AQR: variants seen among roughly 807,000 people sequenced by gnomAD.
AQR encodes the protein RNA helicase aquarius.
AQR carries 61 observed loss-of-function variants against 180.5 expected under a neutral mutation model. That is an observed-to-expected ratio of 0.34 (90% CI 0.28 to 0.42). The LOEUF (loss-of-function observed/expected upper bound fraction) is 0.42, where lower values mean the gene tolerates loss of function less well. Ranked by LOEUF, AQR falls within the 10% of genes least tolerant of loss-of-function variation. AQR has a pLI of 1.00. For missense variants in AQR, 1,281 were observed against 1,798.3 expected (o/e 0.71, Z 5.20); for synonymous variants, 551 against 588.8 (o/e 0.94, Z 0.93).
In AQR at chr15:34,906,728, G is replaced by C. The variant is rs759915718; in HGVS notation, c.1664-16C>G. 6.3e-7 allele frequency: 1 copy of C among 1,597,566 alleles called. No homozygotes were observed. The highest frequency in any genetic ancestry group is 1.8e-5 in the Admixed American group (1 of 56,788). ...TTACGAAGACCTGGTAAGATATAAA[G>C]ACATTTTCATTTATTAGAATTTCAT... is the stretch of plus-strand genomic sequence containing the variant. On this transcript the variant is annotated splice_polypyrimidine_tract_variant and intron_variant, in intron 17 of 34. Coordinates refer to ENST00000156471, the MANE Select transcript of AQR (RefSeq NM_014691.3).
chr15:34,933,889 G>A (rs1236790581), intron 10 of AQR, among the ~76,000 whole-genome samples: 1 of 152,198 alleles, frequency 6.6e-6, no homozygotes, highest in Non-Finnish European at 1.5e-5. Flanking sequence ...GGGAGGCCAA[G>A]GTGGAAGGAT....
chr15:34,859,343 T>C (rs138252163), intron 34 of AQR, among the ~76,000 whole-genome samples: 10 of 152,290 alleles, frequency 6.6e-5, no homozygotes, highest in African/African-American at 2.4e-4. Context: ...AAAACCATAC[T>C]GAGACCACTG....
chr15:34,933,693 A>G (rs557475488), intron 10 of AQR, among the ~76,000 whole-genome samples: 2 of 152,178 alleles, frequency 1.3e-5, no homozygotes, highest in Non-Finnish European at 2.9e-5. Context: ...TTTTTCTACA[A>G]ACAACAGCCC....
chr15:34,875,852 C>T, intron 28 of AQR, 83 bp downstream of exon 28: 1 of 1,060,052 alleles, frequency 9.4e-7, no homozygotes, highest in East Asian at 2.4e-5. Flanking sequence ...GCAATCAGCA[C>T]ACCCAAACTG....
intron 4 of AQR, among the ~76,000 whole-genome samples, chr15:34,952,654 C>A (rs1337843040): frequency 1.3e-5 from 2 of 152,248 alleles, no homozygotes; most frequent in Non-Finnish European, 2.9e-5. Flanking sequence ...TTATTCACCA[C>A]ATGCTAGCTT....
intron 25 of AQR, among the ~76,000 whole-genome samples, chr15:34,885,735 T>C (rs948505004): frequency 2.0e-5 from 3 of 152,344 alleles, no homozygotes; most frequent in Non-Finnish European, 2.9e-5. Flanking sequence ...ATGTAGACTA[T>C]ATTATGTATT....
At chr15:34,889,687 T>G (rs1893113384) in intron 24 of AQR, among the ~76,000 whole-genome samples, 1 of 152,168 alleles carries the variant, frequency 6.6e-6, no homozygotes, top group Non-Finnish European at 1.5e-5. Context: ...TTCTTTTTTT[T>G]TTGAGACAGA....
intron 2 of AQR, among the ~76,000 whole-genome samples, chr15:34,962,580 C>T (rs1326676004): frequency 1.3e-5 from 2 of 151,874 alleles, no homozygotes; most frequent in African/African-American, 4.8e-5. Flanking sequence ...ACCAGCCTGG[C>T]CAACATGGTA....
chr15:34,904,325 C>T lies in AQR; in HGVS notation c.2001+11G>A. On this transcript the variant is annotated intron_variant, in intron 19 of 34. Coordinates refer to ENST00000156471, the MANE Select transcript of AQR (RefSeq NM_014691.3). The stretch of plus-strand genomic sequence containing the variant: ...TGACATAGTACTTTTAGTTACATAC[C>T]CCCAAATTACCTTAAAGTTATTTTC... 4 of 1,550,290 alleles carry T rather than the reference C, an allele frequency of 2.6e-6. No individual in the cohort carries two copies. Among genetic ancestry groups the T allele is most frequent in the South Asian group, 1.2e-5 (1 of 80,162 alleles).
In AQR at chr15:34,934,580, A is replaced by G. The variant is rs2140493666; in HGVS notation, c.774T>C (p.Ile258=). ...HYCERFIELM[I]DLEALLPTRR... ...ACGGTAGATTTCTTACCTCTAGATC[A>G]ATCATAAGTTCAATGAATCTTTCAC... Residue 258 remains isoleucine (I), a synonymous_variant, in exon 10 of 35, where the codon ATT becomes ATC. Coordinates refer to ENST00000156471, the MANE Select transcript of AQR (RefSeq NM_014691.3). 1 of 1,593,470 alleles carries G rather than the reference A, an allele frequency of 6.3e-7. No individual in the cohort carries two copies. Among genetic ancestry groups the G allele is most frequent in the Non-Finnish European group, 8.5e-7 (1 of 1,173,186 alleles).
At chr15:34,920,753 TC>T (rs1893671203) in intron 13 of AQR, among the ~76,000 whole-genome samples, 1 of 152,060 alleles carries the variant, frequency 6.6e-6, no homozygotes, top group Non-Finnish European at 1.5e-5. Context: ...GGTCAGGAGA[TC>T]GAGACTATGC....
chr15:34,963,661 C>CTTTTTTTTTCTTTTTTTTTTTTT (rs1566793151), intron 2 of AQR, among the ~76,000 whole-genome samples: 1 of 148,600 alleles, frequency 6.7e-6, no homozygotes. Context: ...TACACGTACA[C>CTTTTTTTTTCTTTTTTTTTTTTT]TTTTTTTTTT....
In AQR at chr15:34,884,728, A is replaced by C. The variant is rs1034277900; in HGVS notation, c.2824T>G (p.Ser942Ala). The stretch of plus-strand genomic sequence containing the variant: ...TTGCTGATATACTCTTCCCAGCGAG[A>C]CATTACCTGTAGAAAAAAGGACTTG... ...AGYFFLYQVM[S>A]RWEEYISKVK... Residue 942 changes from serine to alanine, a missense_variant, in exon 26 of 35, where the codon TCT becomes GCT. Around this residue, in one of 9 missense-constraint regions of AQR, gnomAD observed 125 missense variants for 185.0 expected, o/e 0.68. Transcript: ENST00000156471. 3 of 1,595,856 alleles carry C rather than the reference A, an allele frequency of 1.9e-6. No individual in the cohort carries two copies. The highest frequency in any genetic ancestry group is 2.6e-6 in the Non-Finnish European group (3 of 1,174,780).
intron 17 of AQR, among the ~76,000 whole-genome samples, chr15:34,908,975 A>G (rs1426339629): frequency 6.6e-6 from 1 of 151,966 alleles, no homozygotes; most frequent in Non-Finnish European, 1.5e-5. Context: ...ATAAAGGTGC[A>G]CATTAGTCTA....
chr15:34,946,419 C>T (rs1424022400), intron 5 of AQR, among the ~76,000 whole-genome samples: 3 of 118,826 alleles, frequency 2.5e-5, no homozygotes, highest in Non-Finnish European at 5.7e-5. Context: ...CCGCCCCGTC[C>T]GGGAGGGAGG....
At chr15:34,925,828 G>A (rs889911369) in intron 13 of AQR, among the ~76,000 whole-genome samples, 5 of 150,284 alleles carry the variant, frequency 3.3e-5, no homozygotes, top group African/African-American at 1.2e-4. Flanking sequence ...GCAAGACTCC[G>A]TCTCAAAAAA....
Position 34,896,986 on chromosome 15 carries a change from A to G in AQR, c.2391-20T>C. 3 of 1,584,326 alleles carry G rather than the reference A, an allele frequency of 1.9e-6. No individual in the cohort carries two copies. The highest frequency in any genetic ancestry group is 3.3e-4 in the Middle Eastern group (2 of 6,006). On this transcript the variant is annotated intron_variant, in intron 21 of 34. Coordinates refer to ENST00000156471, the MANE Select transcript of AQR (RefSeq NM_014691.3). ...GTATTACTGCAAATAAGAGTAAATA[A>G]AAAGTTGGTACAGATAAATGATGCT...
At chr15:34,899,638 T>C (rs1893300027) in intron 20 of AQR, among the ~76,000 whole-genome samples, 1 of 151,708 alleles carries the variant, frequency 6.6e-6, no homozygotes, top group Non-Finnish European at 1.5e-5. Flanking sequence ...CCCAAAGTGT[T>C]GGGATTACAG....
rs776180525 is a variant in AQR, at chr15:34,856,882, C to A, written c.4368G>T (p.Glu1456Asp). Reference sequence around the variant, plus strand: ...CAGCTCCTACCACAGTAGGGGTGGTCTCAGATAAAGCAGGGATGGCTTCTG... The same window carrying A: ...CAGCTCCTACCACAGTAGGGGTGGTATCAGATAAAGCAGGGATGGCTTCTG... ...STPEAIPALSETTPTVVGAVS... is the reference protein window; with the variant it reads ...STPEAIPALSDTTPTVVGAVS... Residue 1456 changes from glutamate (E) to aspartate (D), a missense_variant, in exon 35 of 35, where the codon GAG (glutamate) becomes GAT (aspartate). This residue lies in a region of AQR where 182 missense variants were observed against 185.3 expected (regional missense o/e 0.98). Coordinates refer to ENST00000156471, the MANE Select transcript of AQR (RefSeq NM_014691.3). 6.2e-7 allele frequency: 1 copy of A among 1,613,750 alleles called. No homozygotes were observed. Among genetic ancestry groups the A allele is most frequent in the Non-Finnish European group, 8.5e-7 (1 of 1,179,824 alleles).
Sources: allele counts gnomAD v4.1 joint callset (sites outside exome capture counted in the v4.1 genomes callset), GRCh38; gene constraint gnomAD v4.1.1; regional missense constraint gnomAD v4.1.1; transcripts MANE v1.5; gene names NCBI Gene and HGNC (gene_info 2026-07-23, HGNC 2026-07-21).